The following CTNNA3 variants were observed in gnomAD, a reference collection of about 807,000 sequenced individuals.
CTNNA3 encodes the protein catenin alpha 3.
Under a neutral mutation model 95.7 loss-of-function variants are expected in CTNNA3, and 76 were observed. That is an observed-to-expected ratio of 0.79 (90% CI 0.66 to 0.96). The LOEUF is 0.96. CTNNA3 is among the 40% of genes least tolerant of loss of function. The probability of loss-of-function intolerance (pLI) is 0.00; values close to 1 mark genes in which losing one functional copy is unlikely to be tolerated. For synonymous variants in CTNNA3, 431 were observed against 374.4 expected (o/e 1.15, Z -1.74); for missense variants, 1,191 against 1,089.8 (o/e 1.09, Z -1.31).
chr10:67,738,570 C>T (rs528067567), intron 1 of CTNNA3, among the ~76,000 whole-genome samples: 5 of 152,034 alleles, frequency 3.3e-5, no homozygotes, highest in South Asian at 2.1e-4. Flanking sequence ...TCACCACCAA[C>T]GGAACAAAGC....
intron 5 of CTNNA3, among the ~76,000 whole-genome samples, chr10:67,496,705 C>T (rs995075177): frequency 6.6e-6 from 1 of 152,092 alleles, no homozygotes; most frequent in African/African-American, 2.4e-5. Flanking sequence ...ATTTGTAGCG[C>T]TGTCCTAATT....
intron 2 of CTNNA3, among the ~76,000 whole-genome samples, chr10:67,638,277 A>C (rs1389110510): frequency 6.6e-6 from 1 of 152,238 alleles, no homozygotes; most frequent in Non-Finnish European, 1.5e-5. Flanking sequence ...AGGCCATTAC[A>C]TAATGGTAAA....
chr10:67,615,327 CAA>C (rs1843614046), intron 2 of CTNNA3, among the ~76,000 whole-genome samples: 2 of 152,298 alleles, frequency 1.3e-5, no homozygotes, highest in South Asian at 4.1e-4. Context: ...CATAACAAAG[CAA>C]AGAGATTTAC....
intron 7 of CTNNA3, among the ~76,000 whole-genome samples, chr10:66,965,950 A>C (rs577418965): frequency 6.6e-6 from 1 of 152,168 alleles, no homozygotes; most frequent in Admixed American, 6.5e-5. Context: ...GCACTATATA[A>C]GTCTGGAGAG....
chr10:67,371,711 C>A (rs1384540071), intron 5 of CTNNA3, among the ~76,000 whole-genome samples: 2 of 152,094 alleles, frequency 1.3e-5, no homozygotes, highest in African/African-American at 4.8e-5. Context: ...GTCTTTATAG[C>A]AGCATGATTT....
chr10:66,327,678 A>G (rs1451354742), intron 12 of CTNNA3, among the ~76,000 whole-genome samples: 1 of 151,914 alleles, frequency 6.6e-6, no homozygotes, highest in Non-Finnish European at 1.5e-5. Flanking sequence ...AATTCTTAGG[A>G]CCCTATAATA....
intron 3 of CTNNA3, among the ~76,000 whole-genome samples, chr10:67,567,526 G>A (rs1369105775): frequency 6.6e-6 from 1 of 152,084 alleles, no homozygotes; most frequent in East Asian, 1.9e-4. Context: ...TGAAAGCCCT[G>A]ACTTAACCAC....
chr10:66,457,207 A>C (rs2093500404), intron 11 of CTNNA3, among the ~76,000 whole-genome samples: 1 of 152,200 alleles, frequency 6.6e-6, no homozygotes, highest in Non-Finnish European at 1.5e-5. Flanking sequence ...CAGATCAGTT[A>C]GATTTTGTCA....
chr10:67,505,104 C>T (rs911393153), intron 5 of CTNNA3, among the ~76,000 whole-genome samples: 3 of 152,188 alleles, frequency 2.0e-5, no homozygotes, highest in African/African-American at 7.2e-5. Context: ...TGTTTATTCA[C>T]ATAATGCTGT....
At chr10:66,402,926 T>C (rs566135753) in intron 11 of CTNNA3, among the ~76,000 whole-genome samples, 17 of 152,236 alleles carry the variant, frequency 1.1e-4, no homozygotes, top group African/African-American at 4.1e-4. Flanking sequence ...TGTTCCAAGT[T>C]TTTTCCCGAG....
At chr10:66,740,110 A>G (rs913946369) in intron 9 of CTNNA3, among the ~76,000 whole-genome samples, 1 of 152,188 alleles carries the variant, frequency 6.6e-6, no homozygotes, top group Non-Finnish European at 1.5e-5. Context: ...GCTTTGAGTT[A>G]TTAAACAAGA....
intron 7 of CTNNA3, among the ~76,000 whole-genome samples, chr10:66,984,481 G>T (rs1056577070): frequency 6.6e-6 from 1 of 152,086 alleles, no homozygotes; most frequent in African/African-American, 2.4e-5. Context: ...TAACACTAAG[G>T]AAATAAAATC....
At chr10:67,033,939 T>C (rs762381562) in intron 7 of CTNNA3, among the ~76,000 whole-genome samples, 1 of 152,042 alleles carries the variant, frequency 6.6e-6, no homozygotes, top group Non-Finnish European at 1.5e-5. Context: ...ACCTAGCTAA[T>C]TTTTGTATTT....
chr10:66,293,819 C>T (rs898798022), intron 12 of CTNNA3, among the ~76,000 whole-genome samples: 1 of 151,986 alleles, frequency 6.6e-6, no homozygotes, highest in Non-Finnish European at 1.5e-5. Context: ...GCGCCTGCCA[C>T]CACGCCCGGC....
chr10:66,256,740 T>C (rs1219369119), intron 13 of CTNNA3, among the ~76,000 whole-genome samples: 2 of 149,704 alleles, frequency 1.3e-5, no homozygotes, highest in East Asian at 2.0e-4. Context: ...AAAGCGTAAA[T>C]TGGAGGAGAA....
chr10:67,710,511 G>A (rs2133610538), intron 1 of CTNNA3, among the ~76,000 whole-genome samples: 1 of 152,246 alleles, frequency 6.6e-6, no homozygotes, highest in African/African-American at 2.4e-5. Context: ...TCTCTCTGAA[G>A]CTCCACAGTT....
rs550189416 is a variant in CTNNA3, at chr10:67,441,272, A to C, written c.579+80570T>G. Among the ~76,000 whole-genome samples the C allele has an allele frequency of 2.0e-5, 3 of 152,086 alleles. No homozygotes were observed. In the South Asian group the frequency reaches 6.2e-4, roughly 32 times the overall value. On this transcript the variant is annotated intron_variant, in intron 5 of 17. Transcript: ENST00000433211. ...TATACAGTGAGAGAAGACAAAAAAAAAAAAAGAATAAAAAGCAATGTAGCA... is the reference window on the plus strand; with the variant it reads ...TATACAGTGAGAGAAGACAAAAAAACAAAAAGAATAAAAAGCAATGTAGCA...
chr10:66,614,093 T>G (rs1844424825), intron 10 of CTNNA3, among the ~76,000 whole-genome samples: 1 of 152,100 alleles, frequency 6.6e-6, no homozygotes, highest in Non-Finnish European at 1.5e-5. Context: ...GCTAAATACA[T>G]CATAACTTAA....
At chr10:66,044,431 T>C (rs965983498) in intron 15 of CTNNA3, among the ~76,000 whole-genome samples, 1 of 152,188 alleles carries the variant, frequency 6.6e-6, no homozygotes. Flanking sequence ...GATTTTTTTT[T>C]TTTTAGAAAT....
Sources: allele counts gnomAD v4.1 joint callset (sites outside exome capture counted in the v4.1 genomes callset), GRCh38; gene constraint gnomAD v4.1.1; transcripts MANE v1.5; gene names NCBI Gene and HGNC (gene_info 2026-07-23, HGNC 2026-07-21).